Variants in CADPS2 observed in about 807,000 individuals in gnomAD.
The protein encoded by CADPS2 is calcium-dependent secretion activator 2.
A neutral mutation model predicts 172.5 loss-of-function variants in CADPS2; 93 were observed. The observed-to-expected ratio is 0.54, with a 90% confidence interval of 0.46 to 0.64. The LOEUF is 0.64. Among genes scored for constraint, CADPS2 ranks in the 30% least tolerant of loss-of-function variants. The probability of loss-of-function intolerance (pLI) is 0.00; values close to 1 mark genes in which losing one functional copy is unlikely to be tolerated. For synonymous variants in CADPS2, 546 were observed against 555.2 expected (o/e 0.98, Z 0.23); for missense variants, 1,420 against 1,565.9 (o/e 0.91, Z 1.57).
At chr7:122,353,956 C>A (rs982210053) in intron 27 of CADPS2, among the ~76,000 whole-genome samples, 1 of 152,068 alleles carries the variant, frequency 6.6e-6, no homozygotes, top group Non-Finnish European at 1.5e-5. Context: ...GCTACCTTAT[C>A]TCTTAGATTT....
intron 8 of CADPS2, among the ~76,000 whole-genome samples, chr7:122,529,137 G>T (rs984171001): frequency 6.6e-6 from 1 of 151,970 alleles, no homozygotes; most frequent in African/African-American, 2.4e-5. Flanking sequence ...TTGTGAAGTT[G>T]TTCCTTATAA....
intron 5 of CADPS2, 43 bp downstream of exon 5, chr7:122,621,438 T>C: frequency 8.1e-7 from 1 of 1,238,898 alleles, no homozygotes; most frequent in South Asian, 1.3e-5. Context: ...TTGTGCATCA[T>C]CATTTATGCT....
At chr7:122,500,235 T>A (rs573605946) in intron 9 of CADPS2, among the ~76,000 whole-genome samples, 1 of 152,350 alleles carries the variant, frequency 6.6e-6, no homozygotes, top group South Asian at 2.1e-4. Context: ...ACCTTGTTTG[T>A]CATTTTTTTG....
intron 1 of CADPS2, among the ~76,000 whole-genome samples, chr7:122,841,818 T>C (rs1200121797): frequency 6.6e-6 from 1 of 150,914 alleles, no homozygotes; most frequent in Non-Finnish European, 1.5e-5. Context: ...AAAAGTTTAG[T>C]ACTGTATTTT....
At chr7:122,389,507 G>T (rs559620127) in intron 22 of CADPS2, among the ~76,000 whole-genome samples, 22 of 151,834 alleles carry the variant, frequency 1.4e-4, no homozygotes, top group Non-Finnish European at 3.2e-4. Context: ...ACTTATAGAA[G>T]AGTTACAGTA....
chr7:122,344,275 A>G (rs1291121158), intron 28 of CADPS2, among the ~76,000 whole-genome samples: 1 of 152,264 alleles, frequency 6.6e-6, no homozygotes, highest in Non-Finnish European at 1.5e-5. Flanking sequence ...ATGTACATAA[A>G]TAAATAAGCT....
At chr7:122,869,061 G>A (rs1477888731) in intron 1 of CADPS2, among the ~76,000 whole-genome samples, 2 of 152,012 alleles carry the variant, frequency 1.3e-5, no homozygotes, top group African/African-American at 4.8e-5. Flanking sequence ...GGGAATTATG[G>A]AACACCATCA....
At chr7:122,751,888 C>G (rs1376113910) in intron 1 of CADPS2, among the ~76,000 whole-genome samples, 1 of 152,180 alleles carries the variant, frequency 6.6e-6, no homozygotes, top group Non-Finnish European at 1.5e-5. Flanking sequence ...CATCTGCTGC[C>G]CACCTACTGA....
rs2046179604 is a variant in CADPS2, at chr7:122,403,200, C to T, written c.2746+4340G>A. 2.6e-5 allele frequency among the ~76,000 whole-genome samples: 4 copies of T among 152,176 alleles called. No homozygotes were observed. In the South Asian group the frequency reaches 8.3e-4, roughly 31 times the overall value. On this transcript the variant is annotated intron_variant, in intron 20 of 29. Coordinates refer to ENST00000449022, the MANE Select transcript of CADPS2 (RefSeq NM_017954.11). ...AGCTGGAAGAATTATGTTTTATCAGCTACTCAGTGGTATTGATTTTGGATG... is the reference window on the plus strand; with the variant it reads ...AGCTGGAAGAATTATGTTTTATCAGTTACTCAGTGGTATTGATTTTGGATG...
At chr7:122,591,179 C>T (rs922079019) in intron 6 of CADPS2, among the ~76,000 whole-genome samples, 6 of 151,882 alleles carry the variant, frequency 4.0e-5, no homozygotes, top group East Asian at 1.9e-4. Context: ...ACAAGCATTC[C>T]TATACACCAA....
intron 7 of CADPS2, among the ~76,000 whole-genome samples, chr7:122,560,901 G>A (rs1243915513): frequency 6.6e-6 from 1 of 152,068 alleles, no homozygotes; most frequent in Non-Finnish European, 1.5e-5. Context: ...TTTAGCAGAT[G>A]TTAATAACCA....
chr7:122,364,703 G>T (rs889279330), intron 25 of CADPS2, among the ~76,000 whole-genome samples: 2 of 149,556 alleles, frequency 1.3e-5, no homozygotes, highest in African/African-American at 5.0e-5. Context: ...CTCCAGCCTG[G>T]GCAACAGAGT....
At chr7:122,822,243 C>T (rs913671407) in intron 1 of CADPS2, among the ~76,000 whole-genome samples, 4 of 151,942 alleles carry the variant, frequency 2.6e-5, no homozygotes, top group Non-Finnish European at 5.9e-5. Context: ...CCTTTTATAC[C>T]TGTTTTTCTC....
intron 14 of CADPS2, among the ~76,000 whole-genome samples, chr7:122,464,889 C>T (rs2054932072): frequency 6.6e-6 from 1 of 152,140 alleles, no homozygotes. Flanking sequence ...GACTGGTGTT[C>T]AGTTAATACT....
chr7:122,353,624 C>T (rs984351768), intron 27 of CADPS2, among the ~76,000 whole-genome samples: 3 of 152,166 alleles, frequency 2.0e-5, no homozygotes, highest in Non-Finnish European at 4.4e-5. Flanking sequence ...AATCAACATA[C>T]ATCCTTAAAC....
At position 122,581,179 on chromosome 7, in the gene CADPS2, C is replaced by T. The variant is rs886963837; in HGVS notation, c.1335G>A (p.Arg445=). ...VLALEDKELG[R]VILYPTSNSS... ...GACACACAGGCTGACCACAACTCAC[C>T]CTTCCCAGTTCTTTATCTTCCAGGG... Residue 445 remains arginine (R), a splice_region_variant and synonymous_variant, in exon 7 of 30, where the codon AGG becomes AGA. Coordinates refer to ENST00000449022, the MANE Select transcript of CADPS2 (RefSeq NM_017954.11). 1 of 1,611,628 alleles carries T rather than the reference C, an allele frequency of 6.2e-7. No individual in the cohort carries two copies. The highest frequency in any genetic ancestry group is 1.3e-5 in the African/African-American group (1 of 74,812).
chr7:122,510,726 G>A (rs915046846), intron 9 of CADPS2, among the ~76,000 whole-genome samples: 1 of 152,112 alleles, frequency 6.6e-6, no homozygotes, highest in Non-Finnish European at 1.5e-5. Flanking sequence ...CAGCCTGCAG[G>A]TATGGACCTA....
chr7:122,529,518 A>G (rs1029814567), intron 8 of CADPS2, among the ~76,000 whole-genome samples: 13 of 152,082 alleles, frequency 8.5e-5, no homozygotes, highest in Non-Finnish European at 1.9e-4. Context: ...AATTAATAGA[A>G]AAGAATAAAA....
intron 8 of CADPS2, among the ~76,000 whole-genome samples, chr7:122,539,745 CTCTCTGTCTCTCTCTG>C (rs1459420824): frequency 8.5e-6 from 1 of 118,170 alleles, no homozygotes; most frequent in South Asian, 2.7e-4. Context: ...CTGTCCCTCT[CTCTCTGTCTCTCTCTG>C]TCTCTGTCTC....
Sources: gnomAD v4.1 joint callset for allele counts (sites outside exome capture counted in the v4.1 genomes callset) on GRCh38, gnomAD v4.1.1 for gene constraint, MANE v1.5 for transcripts, NCBI Gene and HGNC (gene_info 2026-07-23, HGNC 2026-07-21) for gene names.